Variants in LOXHD1 observed in about 807,000 individuals in gnomAD.
The protein encoded by LOXHD1 is lipoxygenase homology PLAT domains 1.
In LOXHD1, 205 loss-of-function variants were observed where a neutral mutation model predicts 248.2. The ratio of observed to expected loss-of-function variants is 0.83; its 90% CI spans 0.74 to 0.93. LOXHD1 has a LOEUF of 0.93. Among genes scored for constraint, LOXHD1 ranks in the 40% least tolerant of loss-of-function variants. The pLI is 0.00. For synonymous variants in LOXHD1, 1,113 were observed against 1,162.8 expected, an observed-to-expected ratio of 0.96 and a Z score of 0.87; for missense variants, 2,930 against 2,971.6, an observed-to-expected ratio of 0.99 and a Z score of 0.33.
At chr18:46,483,928 C>T (rs982860111) in intron 39 of LOXHD1, among the ~76,000 whole-genome samples, 183 bp from the exon 40 acceptor site, 7 of 152,094 alleles carry the variant, frequency 4.6e-5, no homozygotes, top group South Asian at 4.2e-4. Flanking sequence ...AAGACAATCA[C>T]GATGAAAAAG....
At chr18:46,562,916 G>T in intron 18 of LOXHD1, 149 bp downstream of exon 18, 2 of 908,244 alleles carry the variant, frequency 2.2e-6, no homozygotes, top group Non-Finnish European at 3.2e-6. Context: ...GAAAGCTCAG[G>T]TCTGGAGAGA....
chr18:46,528,408 A>T (rs2035917699), intron 29 of LOXHD1, among the ~76,000 whole-genome samples: 1 of 152,100 alleles, frequency 6.6e-6, no homozygotes, highest in South Asian at 2.1e-4. Flanking sequence ...GCGAGAAAGG[A>T]AGTTTAATAA....
intron 22 of LOXHD1, among the ~76,000 whole-genome samples, 169 bp from the exon 23 acceptor site, chr18:46,545,590 A>G (rs2036768717): frequency 6.7e-6 from 1 of 148,782 alleles, no homozygotes; most frequent in African/African-American, 2.5e-5. Flanking sequence ...CCCAGTGATT[A>G]GTAATAAGTA....
At chr18:46,649,377 C>A in intron 1 of LOXHD1, 108 bp from the exon 2 acceptor site, 1 of 855,444 alleles carries the variant, frequency 1.2e-6, no homozygotes, top group South Asian at 1.7e-5. Context: ...ACAAAGGACT[C>A]TTGGAATCCC....
chr18:46,495,068 G>A (rs1006702908), intron 37 of LOXHD1, among the ~76,000 whole-genome samples: 23 of 151,816 alleles, frequency 1.5e-4, no homozygotes, highest in Non-Finnish European at 2.8e-4. Context: ...GGGTTTCACC[G>A]TGGTCTCGAT....
chr18:46,555,414 T>C (rs2037283751), intron 21 of LOXHD1: 1 of 249,138 alleles, frequency 4.0e-6, no homozygotes, highest in Non-Finnish European at 8.1e-6. Flanking sequence ...GGTTTCACAA[T>C]GACCTCACAG....
chr18:46,545,666 G>T (rs2036781261), intron 22 of LOXHD1, among the ~76,000 whole-genome samples: 1 of 101,746 alleles, frequency 9.8e-6, no homozygotes, highest in African/African-American at 4.8e-5. Context: ...GTCTCGCTCT[G>T]TCGCCCAGGC....
chr18:46,641,051 A>C (rs1209057927), intron 3 of LOXHD1, among the ~76,000 whole-genome samples: 1 of 152,086 alleles, frequency 6.6e-6, no homozygotes, highest in African/African-American at 2.4e-5. Context: ...CCTCAGCTAG[A>C]GGTCGCCTTT....
chr18:46,593,834 A>C, intron 9 of LOXHD1, 74 bp from the exon 10 acceptor site: 1 of 1,498,576 alleles, frequency 6.7e-7, no homozygotes, highest in Non-Finnish European at 9.1e-7. Context: ...GGGAAGAAGG[A>C]AAAATCCAAA....
At chr18:46,595,097 T>C (rs2038237797) in intron 8 of LOXHD1, among the ~76,000 whole-genome samples, 1 of 152,244 alleles carries the variant, frequency 6.6e-6, no homozygotes, top group Non-Finnish European at 1.5e-5. Flanking sequence ...TCTTTTCAAC[T>C]TGAAAACTAA....
rs945456755 is a variant in LOXHD1, at chr18:46,516,398, T to C, written c.5399+1731A>G. Among the ~76,000 whole-genome samples the C allele has an allele frequency of 1.3e-4, 20 of 151,908 alleles. 1 individual carries two copies. The highest frequency in any genetic ancestry group is 4.6e-4 in the African/African-American group (19 of 41,398). ...GAAGAATTCAAGGAGGAAATGGGAG[T>C]TGCAAAATGAGACAGCAGAAGTGCT... On this transcript the variant is annotated intron_variant, in intron 34 of 40. Coordinates refer to ENST00000642948, the MANE Select transcript of LOXHD1 (RefSeq NM_001384474.1).
chr18:46,580,780 TGCAGA>T (rs2144153788), intron 12 of LOXHD1, among the ~76,000 whole-genome samples: 1 of 152,312 alleles, frequency 6.6e-6, no homozygotes, highest in Non-Finnish European at 1.5e-5. Context: ...TATTTAGAGA[TGCAGA>T]AAAGGTGACT....
intron 4 of LOXHD1, among the ~76,000 whole-genome samples, chr18:46,628,337 T>C (rs1458333831): frequency 6.6e-6 from 1 of 152,164 alleles, no homozygotes; most frequent in African/African-American, 2.4e-5. Flanking sequence ...GCTGTGAGCT[T>C]CAGTGGAGGA....
At chr18:46,569,924 C>A (rs558153160) in intron 15 of LOXHD1, among the ~76,000 whole-genome samples, 39 of 152,210 alleles carry the variant, frequency 2.6e-4, no homozygotes, top group Non-Finnish European at 5.0e-4. Flanking sequence ...AAATCACAAG[C>A]AAGAACATCA....
Position 46,612,047 on chromosome 18 carries a change from C to T in LOXHD1, c.611-1123G>A, listed in dbSNP as rs531038986. On this transcript the variant is annotated intron_variant, in intron 5 of 40. Coordinates refer to ENST00000642948, the MANE Select transcript of LOXHD1 (RefSeq NM_001384474.1). ...AGTTAATGTTATCCTTTTGAGAGTA[C>T]CTTGATGATAGTCATAACTTTAGTT... Among the ~76,000 whole-genome samples, 8 of 152,246 alleles carry T rather than the reference C, an allele frequency of 5.3e-5. No homozygotes were observed. In the South Asian group the frequency reaches 1.7e-3, roughly 32 times the overall value.
At chr18:46,536,978 A>G (rs2036340704) in intron 26 of LOXHD1, among the ~76,000 whole-genome samples, 1 of 152,134 alleles carries the variant, frequency 6.6e-6, no homozygotes, top group Non-Finnish European at 1.5e-5. Flanking sequence ...CATTATTGCC[A>G]TCTATCCAAG....
chr18:46,572,338 C>T (rs1207249831), intron 14 of LOXHD1, among the ~76,000 whole-genome samples, 176 bp from the exon 15 acceptor site: 1 of 152,144 alleles, frequency 6.6e-6, no homozygotes, highest in Non-Finnish European at 1.5e-5. Flanking sequence ...AGGAGGACTT[C>T]CCGGAGGCAG....
intron 1 of LOXHD1, among the ~76,000 whole-genome samples, chr18:46,654,305 A>G (rs926960697): frequency 1.3e-5 from 2 of 152,240 alleles, no homozygotes; most frequent in Non-Finnish European, 2.9e-5. Flanking sequence ...CATTGCTATC[A>G]TTTCCATTGA....
intron 10 of LOXHD1, 41 bp from the exon 11 acceptor site, chr18:46,592,625 A>G: frequency 6.7e-7 from 1 of 1,492,898 alleles, no homozygotes; most frequent in Non-Finnish European, 9.1e-7. Flanking sequence ...GCATAACTGA[A>G]GAAATGTGTT....
Sources: gnomAD v4.1 joint callset for allele counts (sites outside exome capture counted in the v4.1 genomes callset) on GRCh38, gnomAD v4.1.1 for gene constraint, MANE v1.5 for transcripts, NCBI Gene and HGNC (gene_info 2026-07-23, HGNC 2026-07-21) for gene names.